Variants in XKR9 observed in about 807,000 individuals in gnomAD.
XKR9 encodes the protein XK related 9.
A neutral mutation model predicts 32.0 loss-of-function variants in XKR9; 32 were observed. That is an observed-to-expected ratio of 1.00 (90% CI 0.76 to 1.34). XKR9 has a LOEUF of 1.34. Ranked by LOEUF, XKR9 falls within the 40% of genes most tolerant of loss-of-function variation. The probability of loss-of-function intolerance (pLI) is 0.00; values close to 1 mark genes in which losing one functional copy is unlikely to be tolerated. For synonymous variants in XKR9, 168 were observed against 143.4 expected, an observed-to-expected ratio of 1.17 and a Z score of -1.22; for missense variants, 546 against 429.7, an observed-to-expected ratio of 1.27 and a Z score of -2.39.
chr8:70,852,788 A>G, the XKR9 span, among the ~76,000 whole-genome samples: 1 of 152,318 alleles, frequency 6.6e-6, no homozygotes, highest in Non-Finnish European at 1.5e-5. Context: ...CATAAGTGGG[A>G]GTTGAACAAT....
In XKR9 at chr8:70,773,131, G is replaced by A. The variant is rs558481184; in HGVS notation, n.353-16208G>A. On this transcript the variant is annotated intron_variant and non_coding_transcript_variant, in intron 2 of 3. Transcript: ENST00000520273. ...CAATATTTTGATTACTGAGTGTTCA[G>A]GAAAGCCAGTGCATTCTTTCAGTGG... Among the ~76,000 whole-genome samples, 18 of 152,278 alleles carry A rather than the reference G, an allele frequency of 1.2e-4. No homozygotes were observed. The South Asian group carries it at 3.5e-3, about 30-fold the overall frequency.
downstream of XKR9, among the ~76,000 whole-genome samples, chr8:70,737,687 G>T (rs1359292609): frequency 2.2e-4 from 26 of 118,316 alleles, no homozygotes; most frequent in Middle Eastern, 4.2e-3. Context: ...AAGCGTTGTT[G>T]AATTTTGTCA....
intron 4 of XKR9, among the ~76,000 whole-genome samples, chr8:70,729,545 C>A (rs1048096770): frequency 2.0e-5 from 3 of 151,716 alleles, no homozygotes; most frequent in African/African-American, 7.3e-5. Context: ...TTCAAGAGCA[C>A]CTGTCAAAGT....
the XKR9 span, among the ~76,000 whole-genome samples, chr8:70,816,560 C>T: frequency 6.6e-6 from 1 of 152,140 alleles, no homozygotes; most frequent in Non-Finnish European, 1.5e-5. Flanking sequence ...AAACAAACAT[C>T]ACCAAGGCAT....
chr8:70,734,442 T>A lies in XKR9; in HGVS notation c.*18T>A. On this transcript the variant is annotated 3_prime_UTR_variant, in exon 5 of 5. Coordinates refer to ENST00000408926, the MANE Select transcript of XKR9 (RefSeq NM_001011720.2). ...TGGAATAAGCTATTCATTTATGATATATATTTTCTTATATTTTGTTTCATT... is the reference window on the plus strand; with the variant it reads ...TGGAATAAGCTATTCATTTATGATAAATATTTTCTTATATTTTGTTTCATT... 1 of 1,473,762 alleles carries A rather than the reference T, an allele frequency of 6.8e-7. No individual in the cohort carries two copies. Among genetic ancestry groups the A allele is most frequent in the Non-Finnish European group, 8.9e-7 (1 of 1,123,126 alleles). The allele number at this position is 1,473,762 out of a possible 1,614,324, so 91.3% of individuals were successfully genotyped here.
At chr8:70,907,936 A>G in the XKR9 span, among the ~76,000 whole-genome samples, 1 of 152,362 alleles carries the variant, frequency 6.6e-6, no homozygotes, top group Non-Finnish European at 1.5e-5. Context: ...ATTTTGTTTC[A>G]GAAAATTGAG....
intron 2 of XKR9, among the ~76,000 whole-genome samples, chr8:70,743,528 CA>C (rs1807016926): frequency 6.6e-6 from 1 of 152,042 alleles, no homozygotes; most frequent in Non-Finnish European, 1.5e-5. Context: ...TTCAGAGAAA[CA>C]TTTTTTTTTC....
intron 4 of XKR9, among the ~76,000 whole-genome samples, chr8:70,726,274 G>T (rs973911004): frequency 1.3e-5 from 2 of 152,184 alleles, no homozygotes; most frequent in Non-Finnish European, 1.5e-5. Flanking sequence ...AAGAATGGAT[G>T]AAACAATGTT....
At chr8:70,930,511 A>G in the XKR9 span, among the ~76,000 whole-genome samples, 1 of 152,220 alleles carries the variant, frequency 6.6e-6, no homozygotes, top group Admixed American at 6.5e-5. Context: ...TTTAAAAAAG[A>G]GAGATATTTT....
the XKR9 span, among the ~76,000 whole-genome samples, chr8:70,907,438 T>C: frequency 6.6e-6 from 1 of 152,188 alleles, no homozygotes; most frequent in African/African-American, 2.4e-5. Flanking sequence ...ACTACACCCA[T>C]TGCTATGATT....
chr8:70,768,320 G>A (rs774793283), intron 2 of XKR9, among the ~76,000 whole-genome samples: 16 of 152,138 alleles, frequency 1.1e-4, no homozygotes, highest in Non-Finnish European at 4.4e-5. Context: ...TACATTTGCT[G>A]AGAAGTGTTT....
At chr8:70,954,624 T>G in the XKR9 span, among the ~76,000 whole-genome samples, 1 of 152,240 alleles carries the variant, frequency 6.6e-6, no homozygotes, top group Non-Finnish European at 1.5e-5. Flanking sequence ...GAAGAACTGC[T>G]AACCTTGAGC....
At chr8:71,042,010 A>G in the XKR9 span, among the ~76,000 whole-genome samples, 1 of 152,226 alleles carries the variant, frequency 6.6e-6, no homozygotes, top group African/African-American at 2.4e-5. Context: ...ATAAATGCCT[A>G]TATCGGATGC....
intron 2 of XKR9, among the ~76,000 whole-genome samples, chr8:70,774,833 G>A (rs1163798564): frequency 2.0e-5 from 3 of 152,006 alleles, no homozygotes; most frequent in Non-Finnish European, 2.9e-5. Context: ...CTGCAACTTT[G>A]TTCTTTTTCA....
the XKR9 span, among the ~76,000 whole-genome samples, chr8:71,041,864 G>A: frequency 6.6e-6 from 1 of 152,314 alleles, no homozygotes. Flanking sequence ...GCAGAACTGT[G>A]AGTCAATTAA....
At chr8:70,784,717 A>G (rs559155058) in intron 2 of XKR9, among the ~76,000 whole-genome samples, 1 of 152,138 alleles carries the variant, frequency 6.6e-6, no homozygotes, top group African/African-American at 2.4e-5. Flanking sequence ...TTCCCTGGCA[A>G]CCACTTGCAA....
chr8:70,732,791 A>T lies in XKR9; in HGVS notation c.494-1005A>T, dbSNP rs545932032. The stretch of plus-strand genomic sequence containing the variant: ...CCTCATTATCTTCATCAATAGATAA[A>T]TTTTTGTAAATCTGCCTTTCAATCA... On this transcript the variant is annotated intron_variant, in intron 4 of 4. Coordinates refer to ENST00000408926, the MANE Select transcript of XKR9 (RefSeq NM_001011720.2). Among the ~76,000 whole-genome samples, 100 of 152,302 alleles carry T rather than the reference A, an allele frequency of 6.6e-4. No homozygotes were observed. In the South Asian group the frequency reaches 0.019, roughly 29 times the overall value.
chr8:71,036,346 G>T, the XKR9 span, among the ~76,000 whole-genome samples: 7 of 151,946 alleles, frequency 4.6e-5, no homozygotes, highest in Non-Finnish European at 1.0e-4. Flanking sequence ...TAGGGGAGGG[G>T]TTTCATTTAT....
At chr8:70,776,900 C>T (rs529508595) in intron 2 of XKR9, among the ~76,000 whole-genome samples, 3 of 125,114 alleles carry the variant, frequency 2.4e-5, no homozygotes, top group African/African-American at 8.8e-5. Context: ...CAGTACCTTG[C>T]ATTTAGCAGG....
Sources: gnomAD v4.1 joint callset for allele counts (sites outside exome capture counted in the v4.1 genomes callset) on GRCh38, gnomAD v4.1.1 for gene constraint, MANE v1.5 for transcripts, NCBI Gene and HGNC (gene_info 2026-07-23, HGNC 2026-07-21) for gene names.